Variants in ADAM11 observed in about 807,000 individuals in gnomAD.
The protein encoded by ADAM11 is ADAM metallopeptidase domain 11.
In ADAM11, 49 loss-of-function variants were observed where a neutral mutation model predicts 119.1. The observed-to-expected ratio is 0.41, with a 90% CI of 0.33 to 0.52. The LOEUF is 0.52. Ranked by LOEUF, ADAM11 falls within the 20% of genes least tolerant of loss-of-function variation. ADAM11 has a pLI of 0.20. For synonymous variants in ADAM11, 364 were observed against 408.0 expected (o/e 0.89, Z 1.30); for missense variants, 777 against 1,047.5 (o/e 0.74, Z 3.56).
At position 44,772,790 on chromosome 17, in the gene ADAM11, C is replaced by A; in HGVS notation, c.679-67C>A. On this transcript the variant is annotated intron_variant, in intron 8 of 26. Transcript: ENST00000200557. The surrounding 1 kb of genome is among the most constrained non-coding windows in gnomAD (Gnocchi z 4.5). ...CCCCCCCATCCCCACCGAGTCTGTTCCTGGCTTGGCCATGAGATCAGTCAG... is the reference window on the plus strand; with the variant it reads ...CCCCCCCATCCCCACCGAGTCTGTTACTGGCTTGGCCATGAGATCAGTCAG... 1 of 1,477,836 alleles carries A rather than the reference C, an allele frequency of 6.8e-7. No individual in the cohort carries two copies. Among genetic ancestry groups the A allele is most frequent in the South Asian group, 1.2e-5 (1 of 84,854 alleles). 91.5% of individuals were successfully genotyped at this position (1,477,836 alleles called of 1,614,324 possible).
At position 44,775,143 on chromosome 17, in the gene ADAM11, C is replaced by T. The variant is rs1212928597; in HGVS notation, c.1221-69C>T. ...CGAAGTCCCCCAGTGTACCCCCTCC[C>T]CAGCCTTGAGAGGGGTGAGGGTGGG... On this transcript the variant is annotated intron_variant, in intron 14 of 26. Transcript: ENST00000200557. This position sits in a 1 kb window ranked among gnomAD's most constrained non-coding sequence, Gnocchi z 7.5. The T allele has an allele frequency of 7.4e-7, 1 of 1,356,102 alleles. No homozygotes were observed. The highest frequency in any genetic ancestry group is 1.0e-6 in the Non-Finnish European group (1 of 954,994). 84.0% of individuals were successfully genotyped at this position (1,356,102 alleles called of 1,614,324 possible).
chr17:44,774,838 A>T, intron 14 of ADAM11, 89 bp downstream of exon 14: 1 of 1,481,738 alleles, frequency 6.7e-7, no homozygotes, highest in Admixed American at 2.4e-5. Flanking sequence ...CAGGGGGCTC[A>T]AGAGGCCCAG....
chr17:44,774,254 G>C, intron 11 of ADAM11, 41 bp from the exon 12 acceptor site: 1 of 1,349,020 alleles, frequency 7.4e-7, no homozygotes, highest in Non-Finnish European at 9.9e-7. Flanking sequence ...GGAGCCACAG[G>C]GGAGGGCAGG....
Position 44,772,391 on chromosome 17 carries a change from C to A in ADAM11, c.611-8C>A. The A allele has an allele frequency of 6.3e-7, 1 of 1,579,244 alleles. No homozygotes were observed. The highest frequency in any genetic ancestry group is 2.3e-5 in the East Asian group (1 of 43,200). On this transcript the variant is annotated splice_polypyrimidine_tract_variant and splice_region_variant and intron_variant, in intron 7 of 26. Coordinates refer to ENST00000200557, the MANE Select transcript of ADAM11 (RefSeq NM_002390.6). This position sits in a 1 kb window ranked among gnomAD's most constrained non-coding sequence, Gnocchi z 4.5. ...GGCTGTGCCCCCCTCACCTGCCCCT[C>A]CCCACAGGCTGCCTGTTTGCTGTGC...
rs1054804475 is a variant in ADAM11 at position 44,760,371 on chromosome 17, A to G, written c.237+474A>G. On this transcript the variant is annotated intron_variant, in intron 2 of 26. Transcript: ENST00000200557. The stretch of plus-strand genomic sequence containing the variant: ...CTGCCTCAGTTTCCACACAGTGCCC[A>G]GATAGGCTTGTTGTTCTTCCTGTCC... 3.9e-5 allele frequency among the ~76,000 whole-genome samples: 6 copies of G among 152,174 alleles called. No individual in the cohort carries two copies. In the East Asian group the frequency reaches 1.2e-3, roughly 29 times the overall value.
rs2145253144 is a variant in ADAM11, at chr17:44,780,022, A to G, written c.*268A>G. The G allele has an allele frequency of 7.2e-6, 5 of 697,650 alleles. No homozygotes were observed. The highest frequency in any genetic ancestry group is 1.3e-5 in the Non-Finnish European group (5 of 382,608). The allele number at this position is 697,650 out of a possible 1,614,324, so 43.2% of individuals were successfully genotyped here. A position where few individuals can be genotyped will look rare whatever the true frequency, so the allele number is the denominator to read the frequency against. On this transcript the variant is annotated 3_prime_UTR_variant, in exon 27 of 27. Coordinates refer to ENST00000200557, the MANE Select transcript of ADAM11 (RefSeq NM_002390.6). ...CACACCCACTGCCCCGTGTGAATGT[A>G]GCTTCCACCTCATGGATTGCCACAG...
intron 2 of ADAM11, among the ~76,000 whole-genome samples, chr17:44,766,514 G>T (rs1481486575): frequency 6.6e-6 from 1 of 152,110 alleles, no homozygotes; most frequent in Non-Finnish European, 1.5e-5. Context: ...GAGGAGCCTC[G>T]GGTGGAAGGG....
rs114186081 is a variant in ADAM11 at position 44,769,943 on chromosome 17, C to G, written c.315-39C>G. On this transcript the variant is annotated intron_variant, in intron 3 of 26. Transcript: ENST00000200557. ...GCGAGCCTCAAGCCCGACCTCACCT[C>G]GCCCGTGACCCCCCTTCCTGCTGCC... The G allele has an allele frequency of 6.5e-4, 1,044 of 1,613,026 alleles. 8 individuals carry two copies. The African/African-American group carries it at 0.013, about 19-fold the overall frequency.
rs371768564 is a variant in ADAM11 at position 44,777,172 on chromosome 17, C to T, written c.1688C>T (p.Ala563Val). ...TGGCATCCTCTCCCCACAGCGGCTG[C>T]TGATCGCTTCTGCTACGAGAAGCTG... is the stretch of plus-strand genomic sequence containing the variant. ...QCQVLWGHAA[A>V]DRFCYEKLNV... is the part of the protein sequence containing the mutation. Residue 563 changes from alanine to valine, a missense_variant, in exon 21 of 27, where the codon GCT becomes GTT. Around this residue, in one of 4 missense-constraint regions of ADAM11, gnomAD observed 348 missense variants for 486.7 expected, o/e 0.72. Transcript: ENST00000200557. The surrounding 1 kb of genome is among the most constrained non-coding windows in gnomAD (Gnocchi z 5.1). 2 of 1,601,412 alleles carry T rather than the reference C, an allele frequency of 1.2e-6. No individual in the cohort carries two copies. Among genetic ancestry groups the T allele is most frequent in the African/African-American group, 2.7e-5 (2 of 74,700 alleles).
intron 26 of ADAM11, 172 bp downstream of exon 26, chr17:44,779,411 G>A: frequency 2.0e-6 from 2 of 985,380 alleles, no homozygotes; most frequent in South Asian, 9.4e-5. Flanking sequence ...GCCTCGCTCA[G>A]GGAAGAAGGT....
intron 2 of ADAM11, among the ~76,000 whole-genome samples, chr17:44,763,603 G>T (rs979227849): frequency 1.3e-5 from 2 of 152,252 alleles, no homozygotes; most frequent in Admixed American, 6.5e-5. Context: ...ACCGTGTCCA[G>T]TTGGGCTGGT....
At position 44,779,982 on chromosome 17, in the gene ADAM11, T is replaced by C. The variant is rs866973404; in HGVS notation, c.*228T>C. The stretch of plus-strand genomic sequence containing the variant: ...CCTCCACAGTCCCCCACCCACCTCC[T>C]GCGGCTCAGCCTTGCACACCCACTG... On this transcript the variant is annotated 3_prime_UTR_variant, in exon 27 of 27. Coordinates refer to ENST00000200557, the MANE Select transcript of ADAM11 (RefSeq NM_002390.6). The C allele has an allele frequency of 1.7e-5, 12 of 717,302 alleles. No homozygotes were observed. The African/African-American group carries it at 1.7e-4, about 10-fold the overall frequency. 44.4% of individuals were successfully genotyped at this position (717,302 alleles called of 1,614,324 possible).
At chr17:44,771,936 C>A (rs551372201) in intron 6 of ADAM11, 105 bp downstream of exon 6, 2 of 1,345,712 alleles carry the variant, frequency 1.5e-6, no homozygotes, top group African/African-American at 1.5e-5. Flanking sequence ...CCCTCAGTAA[C>A]CCCAGCCTCA....
chr17:44,759,287 G>A, intron 1 of ADAM11, 27 bp downstream of exon 1: 5 of 1,363,666 alleles, frequency 3.7e-6, no homozygotes, highest in Admixed American at 3.5e-5. Flanking sequence ...CGGCCCCGGC[G>A]CCCCCTCCCT....
chr17:44,774,430 C>T, intron 12 of ADAM11, 51 bp downstream of exon 12: 2 of 1,577,682 alleles, frequency 1.3e-6, no homozygotes, highest in Non-Finnish European at 1.7e-6. Flanking sequence ...AAAGGGGCTT[C>T]AGGGGCACGA....
chr17:44,759,451 C>A, intron 1 of ADAM11, 191 bp downstream of exon 1: 1 of 1,246,626 alleles, frequency 8.0e-7, no homozygotes, highest in Non-Finnish European at 1.0e-6. Context: ...GGGCCCACCG[C>A]GTCCCTGCCC....
Position 44,772,891 on chromosome 17 carries a change from C to A in ADAM11, c.713C>A (p.Thr238Asn). The change falls in exon 9 of 27, where the codon ACC (threonine) becomes AAC (asparagine). Residue 238 changes from threonine to asparagine, a missense_variant. Coordinates refer to ENST00000200557, the MANE Select transcript of ADAM11 (RefSeq NM_002390.6). The surrounding 1 kb of genome is among the most constrained non-coding windows in gnomAD (Gnocchi z 4.5). ...GGCCACCCTACAGTGCACAGTGAAA[C>A]CAAGTATGTGGAGCTAATTGTGATC... ...RRGHPTVHSE[T>N]KYVELIVIND... is the part of the protein sequence containing the mutation. The A allele has an allele frequency of 6.2e-7, 1 of 1,614,130 alleles. No homozygotes were observed. The highest frequency in any genetic ancestry group is 1.1e-5 in the South Asian group (1 of 91,082).
Position 44,772,898 on chromosome 17 carries a change from T to C in ADAM11, c.720T>C (p.Tyr240=). The C allele has an allele frequency of 6.2e-7, 1 of 1,613,856 alleles. No homozygotes were observed. The highest frequency in any genetic ancestry group is 8.5e-7 in the Non-Finnish European group (1 of 1,179,958). The change falls in exon 9 of 27, where the codon TAT becomes TAC. Residue 240 remains tyrosine, a synonymous_variant. Coordinates refer to ENST00000200557, the MANE Select transcript of ADAM11 (RefSeq NM_002390.6). This position sits in a 1 kb window ranked among gnomAD's most constrained non-coding sequence, Gnocchi z 4.5. ...CTACAGTGCACAGTGAAACCAAGTA[T>C]GTGGAGCTAATTGTGATCAACGACC... ...GHPTVHSETK[Y]VELIVINDHQ...
At position 44,776,856 on chromosome 17, in the gene ADAM11, C is replaced by T. The variant is rs752552196; in HGVS notation, c.1618-43C>T. On this transcript the variant is annotated intron_variant, in intron 19 of 26. Transcript: ENST00000200557. The surrounding 1 kb of genome is among the most constrained non-coding windows in gnomAD (Gnocchi z 5.2). ...CAGTCTCTTGTCTCCACTCTGACCA[C>T]TCAGCATCTCCATCCCTTGCCTCTT... The T allele has an allele frequency of 1.2e-6, 2 of 1,613,924 alleles. No individual in the cohort carries two copies. The highest frequency in any genetic ancestry group is 2.2e-5 in the East Asian group (1 of 44,880).
Sources: gnomAD v4.1 joint callset for allele counts (sites outside exome capture counted in the v4.1 genomes callset) on GRCh38, gnomAD v4.1.1 for gene constraint, gnomAD v4.1.1 regional missense constraint, Gnocchi (gnomAD v3.1) non-coding constraint, MANE v1.5 for transcripts, NCBI Gene and HGNC (gene_info 2026-07-23, HGNC 2026-07-21) for gene names.